GPD1: variants seen among roughly 807,000 people sequenced by gnomAD.
The protein encoded by GPD1 is glycerol-3-phosphate dehydrogenase 1.
GPD1 carries 19 observed loss-of-function variants against 34.4 expected under a neutral mutation model. That is an observed-to-expected ratio of 0.55 (90% CI 0.39 to 0.81). The LOEUF (loss-of-function observed/expected upper bound fraction) is 0.81, where lower values mean the gene tolerates loss of function less well. Among genes scored for constraint, GPD1 ranks in the 30% least tolerant of loss-of-function variants. The pLI is 0.00. For synonymous variants in GPD1, 172 were observed against 174.1 expected (o/e 0.99, Z 0.09); for missense variants, 429 against 447.0 (o/e 0.96, Z 0.36).
At chr12:50,105,918 G>A (rs1196904779) in intron 3 of GPD1, 4 of 693,386 alleles carry the variant, frequency 5.8e-6, no homozygotes, top group Non-Finnish European at 1.1e-5. Flanking sequence ...CTCTCGGGGA[G>A]TTTCGGAGGT....
Position 50,105,699 on chromosome 12 carries a change from C to T in GPD1, c.360+11C>T. 4.3e-6 allele frequency: 7 copies of T among 1,613,662 alleles called. No homozygotes were observed. Among genetic ancestry groups the T allele is most frequent in the Non-Finnish European group, 5.9e-6 (7 of 1,179,646 alleles). On this transcript the variant is annotated intron_variant, in intron 3 of 7. Transcript: ENST00000301149. Reference sequence around the variant, plus strand: ...ATATCTCTTATTAAGGTGCCAGGGACACCTTCATGTGGATGGGGGAGGGTG... The same window carrying T: ...ATATCTCTTATTAAGGTGCCAGGGATACCTTCATGTGGATGGGGGAGGGTG...
chr12:50,107,638 C>G lies in GPD1; in HGVS notation c.684C>G (p.Ile228Met). 1 of 1,614,110 alleles carries G rather than the reference C, an allele frequency of 6.2e-7. No homozygotes were observed. Among genetic ancestry groups the G allele is most frequent in the Non-Finnish European group, 8.5e-7 (1 of 1,179,998 alleles). ...GFGDNTKAAV[I>M]RLGLMEMIAF... The stretch of plus-strand genomic sequence containing the variant: ...GCGACAACACCAAGGCGGCAGTGAT[C>G]CGGCTGGGACTCATGGAGATGATAG... Residue 228 changes from isoleucine to methionine, a missense_variant, in exon 6 of 8, where the codon ATC becomes ATG. Ile to Met is a conservative substitution (Grantham distance 10, BLOSUM62 1). Coordinates refer to ENST00000301149, the MANE Select transcript of GPD1 (RefSeq NM_005276.4).
chr12:50,108,090 G>T lies in GPD1; in HGVS notation c.913G>T (p.Glu305Ter). Reference sequence around the variant, plus strand: ...ACTGCAGGGGCCCGAGACAGCCCGGGAGCTATACAGCATCCTCCAGCACAA... The same window carrying T: ...ACTGCAGGGGCCCGAGACAGCCCGGTAGCTATACAGCATCCTCCAGCACAA... Reference protein sequence around the residue: ...QKLQGPETARELYSILQHKGL... With the variant: ...QKLQGPETAR Residue 305 changes from glutamate to a stop codon, truncating the protein, a stop_gained, in exon 7 of 8, where the codon GAG becomes TAG. Coordinates refer to ENST00000301149, the MANE Select transcript of GPD1 (RefSeq NM_005276.4). LOFTEE classifies it high-confidence loss of function. The T allele has an allele frequency of 6.2e-7, 1 of 1,612,538 alleles. No individual in the cohort carries two copies. Among genetic ancestry groups the T allele is most frequent in the South Asian group, 1.1e-5 (1 of 90,856 alleles).
rs1199062262 is a variant in GPD1, at chr12:50,107,559, CCTT to C, written c.613-6_613-4del. 7 of 1,605,746 alleles carry C rather than the reference CCTT, an allele frequency of 4.4e-6. No individual in the cohort carries two copies. Among genetic ancestry groups the C allele is most frequent in the South Asian group, 2.2e-5 (2 of 90,906 alleles). The stretch of plus-strand genomic sequence containing the variant: ...TCTTTTCTCACCTATGACCTCCACT[CCTT>C]CAAGAATGTAGTGGCCGTGGGGGCT... On this transcript the variant is annotated splice_polypyrimidine_tract_variant and splice_region_variant and intron_variant, in intron 5 of 7. Coordinates refer to ENST00000301149, the MANE Select transcript of GPD1 (RefSeq NM_005276.4).
intron 5 of GPD1, chr12:50,107,219 G>A: frequency 1.5e-6 from 1 of 653,398 alleles, no homozygotes; most frequent in Non-Finnish European, 2.8e-6. Flanking sequence ...CCAGGCTAAT[G>A]GGAGACAAAA....
rs1232134814 is a variant in GPD1, at chr12:50,104,581, G to A, written c.49G>A (p.Ala17Thr). Residue 17 changes from alanine to threonine, a missense_variant, in exon 2 of 8, where the codon GCC becomes ACC. Coordinates refer to ENST00000301149, the MANE Select transcript of GPD1 (RefSeq NM_005276.4). ...CIVGSGNWGS[A>T]IAKIVGGNAA... is the part of the protein sequence containing the mutation. Reference sequence around the variant, plus strand: ...TGCTCCCCCTCCCACCAGGGGCTCAGCCATCGCCAAGATCGTGGGTGGCAA... The same window carrying A: ...TGCTCCCCCTCCCACCAGGGGCTCAACCATCGCCAAGATCGTGGGTGGCAA... 1 of 1,613,078 alleles carries A rather than the reference G, an allele frequency of 6.2e-7. No individual in the cohort carries two copies. Among genetic ancestry groups the A allele is most frequent in the Non-Finnish European group, 8.5e-7 (1 of 1,179,098 alleles).
In GPD1 at chr12:50,104,485, G is replaced by A. The variant is rs762810859; in HGVS notation, c.42-89G>A. On this transcript the variant is annotated intron_variant, in intron 1 of 7. Coordinates refer to ENST00000301149, the MANE Select transcript of GPD1 (RefSeq NM_005276.4). ...TAGGTAGGAGTGAACAGCCTGGGGGGCTGCTGTGAGATCCTGAGGTGGGGC... is the reference window on the plus strand; with the variant it reads ...TAGGTAGGAGTGAACAGCCTGGGGGACTGCTGTGAGATCCTGAGGTGGGGC... 4 of 981,596 alleles carry A rather than the reference G, an allele frequency of 4.1e-6. No homozygotes were observed. In the South Asian group the frequency reaches 5.1e-5, roughly 13 times the overall value. The allele number at this position is 981,596 out of a possible 1,614,324, so 60.8% of individuals were successfully genotyped here.
In GPD1 at chr12:50,109,438, G is replaced by A. The variant is rs1951006906; in HGVS notation, c.969G>A (p.Met323Ile). 1.9e-6 allele frequency: 3 copies of A among 1,559,562 alleles called. No individual in the cohort carries two copies. In the African/African-American group the frequency reaches 4.1e-5, roughly 21 times the overall value. Residue 323 changes from methionine (M) to isoleucine (I), a missense_variant, in exon 8 of 8, where the codon ATG becomes ATA. Transcript: ENST00000301149. ...TCCAATCTAGGTTTCCCTTGTTCATGGCTGTGTACAAGGTGTGCTACGAGG... is the reference window on the plus strand; with the variant it reads ...TCCAATCTAGGTTTCCCTTGTTCATAGCTGTGTACAAGGTGTGCTACGAGG... ...KGLVDKFPLF[M>I]AVYKVCYEGQ...
At position 50,106,815 on chromosome 12, in the gene GPD1, C is replaced by T; in HGVS notation, c.510C>T (p.Asp170=). Residue 170 remains aspartate, a synonymous_variant, in exon 5 of 8, where the codon GAC becomes GAT. Transcript: ENST00000301149. ...KFCETTIGCK[D]PAQGQLLKEL... ...CCCTCCTCACTTTAGGCTGCAAGGA[C>T]CCGGCCCAGGGACAACTCCTGAAAG... 6.3e-7 allele frequency: 1 copy of T among 1,599,870 alleles called. No homozygotes were observed. The highest frequency in any genetic ancestry group is 8.5e-7 in the Non-Finnish European group (1 of 1,170,238).
chr12:50,108,192 C>T (rs983814033), intron 7 of GPD1, 62 bp downstream of exon 7: 3 of 896,640 alleles, frequency 3.3e-6, no homozygotes, highest in African/African-American at 1.6e-5. Flanking sequence ...TCGCCCTGTT[C>T]ATCATCTTCC....
intron 2 of GPD1, 118 bp from the exon 3 acceptor site, chr12:50,105,430 A>G: frequency 2.0e-6 from 2 of 1,013,356 alleles, no homozygotes; most frequent in South Asian, 3.1e-5. Flanking sequence ...TTCAGTCCCA[A>G]ACAAGCCTTC....
chr12:50,109,821 T>G lies in GPD1; in HGVS notation c.*302T>G. The G allele has an allele frequency of 8.6e-6, 3 of 348,084 alleles. No homozygotes were observed. Among genetic ancestry groups the G allele is most frequent in the Admixed American group, 4.2e-5 (1 of 24,054 alleles). The allele number at this position is 348,084 out of a possible 1,614,324, so 21.6% of individuals were successfully genotyped here. A position where few individuals can be genotyped will look rare whatever the true frequency, so the allele number is the denominator to read the frequency against. On this transcript the variant is annotated 3_prime_UTR_variant, in exon 8 of 8. Transcript: ENST00000301149. ...TCAAGCCCCAGTGCTGCCTGCTTGG[T>G]GGCGGGGGTGATGTATGTGGAGAAG...
At position 50,106,307 on chromosome 12, in the gene GPD1, A is replaced by G. The variant is rs111241046; in HGVS notation, c.380A>G (p.Asn127Ser). 299 of 1,612,302 alleles carry G rather than the reference A, an allele frequency of 1.9e-4. No individual in the cohort carries two copies. The highest frequency in any genetic ancestry group is 2.8e-4 in the African/African-American group (21 of 74,830). ...SLIKGVDEGP[N>S]GLKLISEVIG... The stretch of plus-strand genomic sequence containing the variant: ...GCTCAGGGGGTAGACGAGGGCCCCA[A>G]TGGGCTGAAGCTCATCTCGGAAGTG... Residue 127 changes from asparagine to serine, a missense_variant, in exon 4 of 8, where the codon AAT becomes AGT. Asn to Ser is a conservative substitution (Grantham distance 46, BLOSUM62 1). Coordinates refer to ENST00000301149, the MANE Select transcript of GPD1 (RefSeq NM_005276.4).
chr12:50,105,754 T>C lies in GPD1; in HGVS notation c.360+66T>C, dbSNP rs1418507703. 3.9e-6 allele frequency: 6 copies of C among 1,526,126 alleles called. 1 individual carries two copies. In the South Asian group the frequency reaches 6.8e-5, roughly 17 times the overall value. The allele number at this position is 1,526,126 out of a possible 1,614,324, so 94.5% of individuals were successfully genotyped here. On this transcript the variant is annotated intron_variant, in intron 3 of 7. Coordinates refer to ENST00000301149, the MANE Select transcript of GPD1 (RefSeq NM_005276.4). ...TCACTGTTGTGGGGTTCAGGGTGGG[T>C]GAAGCAAGGAGAACAGAAAATGGCA...
At chr12:50,106,037 A>AGGCG (rs1950975986) in intron 3 of GPD1, 2 of 622,576 alleles carry the variant, frequency 3.2e-6, no homozygotes, top group South Asian at 3.6e-5. Flanking sequence ...TGGGGCAGTC[A>AGGCG]GGCGGGGTTG....
chr12:50,109,196 G>T (rs1951004434), intron 7 of GPD1, among the ~76,000 whole-genome samples: 1 of 148,322 alleles, frequency 6.7e-6, no homozygotes, highest in Non-Finnish European at 1.5e-5. Context: ...CCAAGCCAGA[G>T]AATCATGCAG....
At position 50,104,770 on chromosome 12, in the gene GPD1, C is replaced by G. The variant is rs770758891; in HGVS notation, c.219+19C>G. ...AAATGTGGTGAGCCCCAACACCCTG[C>G]GAAGAACAGGGAGAGGAAGGGAGGG... is the stretch of plus-strand genomic sequence containing the variant. On this transcript the variant is annotated intron_variant, in intron 2 of 7. Coordinates refer to ENST00000301149, the MANE Select transcript of GPD1 (RefSeq NM_005276.4). 5 of 1,605,192 alleles carry G rather than the reference C, an allele frequency of 3.1e-6. No individual in the cohort carries two copies. In the Admixed American group the frequency reaches 6.7e-5, roughly 22 times the overall value.
chr12:50,105,023 T>A lies in GPD1; in HGVS notation c.219+272T>A, dbSNP rs17848997. ...AAAGACTGGGCTCCCAGACTTGGGG[T>A]CCAGTAGTGCCTGCCTCCGGCACTA... On this transcript the variant is annotated intron_variant, in intron 2 of 7. Transcript: ENST00000301149. The A allele has an allele frequency of 1.6e-3, 768 of 482,646 alleles. 9 individuals carry two copies. The East Asian group carries it at 0.025, about 16-fold the overall frequency. The allele number at this position is 482,646 out of a possible 1,614,324, so 29.9% of individuals were successfully genotyped here. A position where few individuals can be genotyped will look rare whatever the true frequency, so the allele number is the denominator to read the frequency against.
intron 5 of GPD1, chr12:50,107,276 G>T: frequency 1.5e-6 from 1 of 654,782 alleles, no homozygotes; most frequent in Non-Finnish European, 2.8e-6. Context: ...ATGGATCCTG[G>T]ACAGCTGTTG....
Sources: allele counts gnomAD v4.1 joint callset (sites outside exome capture counted in the v4.1 genomes callset), GRCh38; gene constraint gnomAD v4.1.1; transcripts MANE v1.5; gene names NCBI Gene and HGNC (gene_info 2026-07-23, HGNC 2026-07-21).